NMD3: variants seen among roughly 807,000 people sequenced by gnomAD.
The protein encoded by NMD3 is NMD3 ribosome export adaptor.
NMD3 carries 47 observed loss-of-function variants against 73.1 expected under a neutral mutation model. That is an observed-to-expected ratio of 0.64 (90% CI 0.51 to 0.82). The LOEUF (loss-of-function observed/expected upper bound fraction) is 0.82. NMD3 is among the 40% of genes least tolerant of loss of function. The probability of loss-of-function intolerance (pLI) is 0.00; values close to 1 mark genes in which losing one functional copy is unlikely to be tolerated. For synonymous variants in NMD3, 210 were observed against 194.5 expected (o/e 1.08, Z -0.66); for missense variants, 554 against 612.5 (o/e 0.90, Z 1.01).
intron 4 of NMD3, among the ~76,000 whole-genome samples, chr3:161,227,808 A>C (rs1274880464): frequency 6.6e-6 from 1 of 152,102 alleles, no homozygotes; most frequent in East Asian, 1.9e-4. Flanking sequence ...ACACTTTTTA[A>C]AGTTATATAT....
intron 11 of NMD3, 137 bp downstream of exon 11, chr3:161,242,790 T>C (rs1737044121): frequency 6.5e-6 from 2 of 309,190 alleles, no homozygotes; most frequent in African/African-American, 2.5e-5. Context: ...AAAAAAATTC[T>C]TTTTTTTTTT....
At chr3:161,231,868 C>T (rs919555924) in intron 4 of NMD3, among the ~76,000 whole-genome samples, 6 of 151,898 alleles carry the variant, frequency 4.0e-5, no homozygotes, top group Admixed American at 1.3e-4. Flanking sequence ...TTTTAGGATT[C>T]GGGGAGGAGT....
In NMD3 at chr3:161,241,161, A is replaced by C. The variant is rs1204769202; in HGVS notation, c.869A>C (p.Gln290Pro). The C allele has an allele frequency of 6.4e-7, 1 of 1,563,180 alleles. No individual in the cohort carries two copies. Among genetic ancestry groups the C allele is most frequent in the South Asian group, 1.1e-5 (1 of 89,052 alleles). The change falls in exon 10 of 16, where the codon CAA (glutamine) becomes CCA (proline). Residue 290 changes from glutamine (Q) to proline (P), a missense_variant and splice_region_variant. Physicochemically the swap from Gln to Pro is moderately conservative, Grantham distance 76. Coordinates refer to ENST00000351193, the MANE Select transcript of NMD3 (RefSeq NM_015938.5). The stretch of plus-strand genomic sequence containing the variant: ...CACCTCATTGATCCAAACACCCTAC[A>C]AGGTAAATTCTGGAAATGATTTGCC... ...AIHLIDPNTL[Q>P]VADIDGSTFW...
rs1452682770 is a variant in NMD3, at chr3:161,241,682, G to A, written c.871+519G>A. Among the ~76,000 whole-genome samples the A allele has an allele frequency of 2.6e-5, 4 of 152,144 alleles. No homozygotes were observed. In the East Asian group the frequency reaches 5.8e-4, roughly 22 times the overall value. The stretch of plus-strand genomic sequence containing the variant: ...GATCTGCCCGCCTCGGCCTCCCAAG[G>A]TGCTGGGATTACAAGCGTGAGCCAC... On this transcript the variant is annotated intron_variant, in intron 10 of 15. Transcript: ENST00000351193.
intron 2 of NMD3, chr3:161,223,175 C>A (rs941550322): frequency 6.6e-6 from 1 of 152,246 alleles, no homozygotes; most frequent in Non-Finnish European, 1.5e-5. Flanking sequence ...ACTCTGTCAA[C>A]ATAAACCCCA....
In NMD3 at chr3:161,227,327, A is replaced by G. The variant is rs1736357878; in HGVS notation, c.260A>G (p.Lys87Arg). ...CTTGCTTTGTGCTTGAAAAAAATCA[A>G]AGCCCCTCTGAGTAAGGTAAGTTAA... is the stretch of plus-strand genomic sequence containing the variant. The part of the protein sequence containing the change: ...ELLALCLKKI[K>R]APLSKVRLVD... Residue 87 changes from lysine to arginine, a missense_variant, in exon 4 of 16, where the codon AAA becomes AGA. Lys to Arg is a conservative substitution (Grantham distance 26). Transcript: ENST00000351193. The G allele has an allele frequency of 1.2e-6, 2 of 1,609,902 alleles. No individual in the cohort carries two copies. The highest frequency in any genetic ancestry group is 1.7e-6 in the Non-Finnish European group (2 of 1,176,468).
At chr3:161,238,076 A>C in intron 7 of NMD3, 37 bp from the exon 8 acceptor site, 1 of 1,393,088 alleles carries the variant, frequency 7.2e-7, no homozygotes, top group Non-Finnish European at 9.9e-7. Flanking sequence ...CCTATTTTGC[A>C]TAATTATTTT....
At position 161,238,580 on chromosome 3, in the gene NMD3, G is replaced by A; in HGVS notation, c.657-150G>A. ...ATGGTGAAGGTTTTGACATGCAAGT[G>A]CAGGACAGTAGGTTTTACCAGAGGA... On this transcript the variant is annotated intron_variant, in intron 8 of 15. Transcript: ENST00000351193. 4.9e-6 allele frequency: 3 copies of A among 607,292 alleles called. No homozygotes were observed. The South Asian group carries it at 6.2e-5, about 12-fold the overall frequency. The allele number at this position is 607,292 out of a possible 1,614,324, so 37.6% of individuals were successfully genotyped here. A position where few individuals can be genotyped will look rare whatever the true frequency, so the allele number is the denominator to read the frequency against.
At chr3:161,238,470 T>C (rs1321454834) in intron 8 of NMD3, among the ~76,000 whole-genome samples, 1 of 152,186 alleles carries the variant, frequency 6.6e-6, no homozygotes, top group African/African-American at 2.4e-5. Flanking sequence ...TTAATAATGC[T>C]ATATAGAAAG....
rs1736618008 is a variant in NMD3, at chr3:161,233,419, C to T, written c.297C>T (p.Gly99=). ...PLSKVRLVDA[G]FVWTEPHSKR... is the part of the protein sequence containing the mutation. ...TGAAGGTACGGCTTGTAGATGCAGG[C>T]TTTGTTTGGACTGAGCCTCATTCTA... The change falls in exon 5 of 16, where the codon GGC becomes GGT. Residue 99 remains glycine (G), a synonymous_variant. Coordinates refer to ENST00000351193, the MANE Select transcript of NMD3 (RefSeq NM_015938.5). The T allele has an allele frequency of 2.5e-6, 4 of 1,608,410 alleles. No individual in the cohort carries two copies. The East Asian group carries it at 6.7e-5, about 27-fold the overall frequency.
intron 1 of NMD3, chr3:161,221,743 G>A (rs1457723637): frequency 6.0e-5 from 19 of 315,370 alleles, no homozygotes; most frequent in South Asian, 5.0e-4. Flanking sequence ...GAGGTCAGCG[G>A]CAGAGCTGGG....
At chr3:161,239,910 C>CA (rs1262697941) in intron 9 of NMD3, among the ~76,000 whole-genome samples, 4 of 152,088 alleles carry the variant, frequency 2.6e-5, no homozygotes. Context: ...ACTTTATTTA[C>CA]AAAAACAGAT....
At chr3:161,228,957 G>C (rs1045584488) in intron 4 of NMD3, among the ~76,000 whole-genome samples, 7 of 152,198 alleles carry the variant, frequency 4.6e-5, no homozygotes, top group African/African-American at 1.7e-4. Context: ...AGGGCTCACT[G>C]ATAGGGTGAC....
chr3:161,248,676 A>G (rs1302515442), intron 13 of NMD3, among the ~76,000 whole-genome samples: 2 of 152,154 alleles, frequency 1.3e-5, no homozygotes, highest in Non-Finnish European at 2.9e-5. Context: ...CAAGCCTTGG[A>G]AAAAAACTAT....
In NMD3 at chr3:161,241,118, C is replaced by T. The variant is rs754862883; in HGVS notation, c.826C>T (p.Arg276Ter). The change falls in exon 10 of 16, where the codon CGA (arginine) becomes TGA (stop). Residue 276 changes from arginine (R) to a stop codon, truncating the protein, a stop_gained. Transcript: ENST00000351193. LOFTEE classifies it high-confidence loss of function. ...GNMNQICVCIRVTSAIHLIDP... is the reference protein window; with the variant it reads ...GNMNQICVCI ...TATGAACCAGATTTGTGTGTGTATTCGAGTAACCAGTGCCATTCACCTCAT... is the reference window on the plus strand; with the variant it reads ...TATGAACCAGATTTGTGTGTGTATTTGAGTAACCAGTGCCATTCACCTCAT... 9 of 1,613,000 alleles carry T rather than the reference C, an allele frequency of 5.6e-6. No homozygotes were observed. Among genetic ancestry groups the T allele is most frequent in the East Asian group, 2.2e-5 (1 of 44,826 alleles).
At chr3:161,242,119 A>T (rs976242530) in intron 10 of NMD3, among the ~76,000 whole-genome samples, 1 of 152,124 alleles carries the variant, frequency 6.6e-6, no homozygotes, top group Non-Finnish European at 1.5e-5. Flanking sequence ...TGGGATGGAC[A>T]TTCTTTACCT....
chr3:161,249,162 G>A (rs887198807), intron 13 of NMD3, among the ~76,000 whole-genome samples: 1 of 152,168 alleles, frequency 6.6e-6, no homozygotes, highest in Admixed American at 6.5e-5. Context: ...ACTGAAGTTT[G>A]AGTTAAAAGA....
At chr3:161,247,843 G>T (rs1737292161) in intron 13 of NMD3, among the ~76,000 whole-genome samples, 1 of 150,590 alleles carries the variant, frequency 6.6e-6, no homozygotes, top group South Asian at 2.1e-4. Context: ...CTTGCGTGCA[G>T]TGTCATGATC....
At chr3:161,225,800 A>G (rs867878636) in intron 3 of NMD3, among the ~76,000 whole-genome samples, 14 of 152,252 alleles carry the variant, frequency 9.2e-5, no homozygotes, top group Admixed American at 2.0e-4. Context: ...CTCTTCCCCA[A>G]AATATTTACA....
Sources: allele counts gnomAD v4.1 joint callset (sites outside exome capture counted in the v4.1 genomes callset), GRCh38; gene constraint gnomAD v4.1.1; transcripts MANE v1.5; gene names NCBI Gene and HGNC (gene_info 2026-07-23, HGNC 2026-07-21).